SYF2: variants seen among roughly 807,000 people sequenced by gnomAD.
The protein encoded by SYF2 is pre-mRNA-splicing factor SYF2.
A neutral mutation model predicts 32.7 loss-of-function variants in SYF2; 21 were observed. The observed-to-expected ratio is 0.64, with a 90% CI of 0.45 to 0.92. The LOEUF (loss-of-function observed/expected upper bound fraction) is 0.92. SYF2 is among the 40% of genes least tolerant of loss of function. The pLI, the probability that SYF2 is intolerant of heterozygous loss-of-function variation, is 0.00. For synonymous variants in SYF2, 114 were observed against 103.9 expected (o/e 1.10, Z -0.59); for missense variants, 278 against 296.5 (o/e 0.94, Z 0.46).
intron 6 of SYF2, 150 bp from the exon 7 acceptor site, chr1:25,223,581 G>T: frequency 1.4e-6 from 1 of 690,290 alleles, no homozygotes. Flanking sequence ...AGTTAAAGTT[G>T]AAACTGAATT....
intron 2 of SYF2, chr1:25,230,541 CAA>C (rs1350101279): frequency 1.3e-5 from 2 of 152,136 alleles, no homozygotes; most frequent in African/African-American, 4.8e-5. Flanking sequence ...TTTCCCTCGG[CAA>C]AGAGAGATAC....
chr1:25,226,164 T>A (rs1348008430), intron 5 of SYF2, among the ~76,000 whole-genome samples: 2 of 150,960 alleles, frequency 1.3e-5, no homozygotes. Flanking sequence ...AAAATAAAAA[T>A]AAAAATAAAA....
intron 6 of SYF2, among the ~76,000 whole-genome samples, chr1:25,224,257 C>G (rs1015444171): frequency 6.6e-6 from 1 of 151,870 alleles, no homozygotes; most frequent in African/African-American, 2.4e-5. Context: ...ATGTGCCAGA[C>G]ACTTTTTTTT....
Position 25,232,121 on chromosome 1 carries a change from C to T in SYF2, c.115G>A (p.Glu39Lys). The change falls in exon 2 of 7, where the codon GAG becomes AAG. Residue 39 changes from glutamate to lysine, a missense_variant. Glu to Lys is a moderately conservative substitution (Grantham distance 56). Coordinates refer to ENST00000236273, the MANE Select transcript of SYF2 (RefSeq NM_015484.5). ...KREQRLRKFR[E>K]LHLMRNEARK... ...CTACTCACCCGCATCAGGTGCAGCTCCCGGAATTTGCGCAGTCTCTGTTCG... is the reference window on the plus strand; with the variant it reads ...CTACTCACCCGCATCAGGTGCAGCTTCCGGAATTTGCGCAGTCTCTGTTCG... 1 of 1,614,036 alleles carries T rather than the reference C, an allele frequency of 6.2e-7. No individual in the cohort carries two copies. Among genetic ancestry groups the T allele is most frequent in the Non-Finnish European group, 8.5e-7 (1 of 1,179,998 alleles).
chr1:25,226,335 T>C (rs1638509166), intron 5 of SYF2, among the ~76,000 whole-genome samples: 1 of 152,138 alleles, frequency 6.6e-6, no homozygotes, highest in Non-Finnish European at 1.5e-5. Flanking sequence ...CTGAGGTTAT[T>C]TCCTTTTCCA....
At position 25,223,150 on chromosome 1, in the gene SYF2, G is replaced by T; in HGVS notation, c.*116C>A. 1 of 893,918 alleles carries T rather than the reference G, an allele frequency of 1.1e-6. No homozygotes were observed. The highest frequency in any genetic ancestry group is 1.7e-6 in the Non-Finnish European group (1 of 596,240). The allele number at this position is 893,918 out of a possible 1,614,324, so 55.4% of individuals were successfully genotyped here. On this transcript the variant is annotated 3_prime_UTR_variant, in exon 7 of 7. Transcript: ENST00000236273. ...ACATTTTTATTTCTAAATGCTGAGT[G>T]AGAAGGCATGGACTACTAAATTCTG...
chr1:25,231,983 T>C, intron 2 of SYF2, 121 bp downstream of exon 2: 1 of 982,748 alleles, frequency 1.0e-6, no homozygotes, highest in Non-Finnish European at 1.6e-6. Flanking sequence ...AGAGCTTTCC[T>C]CTCAGATGAT....
chr1:25,229,847 C>T (rs538630593), intron 2 of SYF2, among the ~76,000 whole-genome samples: 3 of 150,496 alleles, frequency 2.0e-5, no homozygotes, highest in Non-Finnish European at 4.4e-5. Flanking sequence ...GACAGAGTCT[C>T]ACTCTGTCAC....
At position 25,223,053 on chromosome 1, in the gene SYF2, A is replaced by G. The variant is rs1243483611; in HGVS notation, c.*213T>C. On this transcript the variant is annotated 3_prime_UTR_variant, in exon 7 of 7. Coordinates refer to ENST00000236273, the MANE Select transcript of SYF2 (RefSeq NM_015484.5). The stretch of plus-strand genomic sequence containing the variant: ...AAGTAGATTACAAAACAACTTCACT[A>G]CAAGAAATACATCTTATATCCAAGC... 2.4e-6 allele frequency: 1 copy of G among 417,674 alleles called. No individual in the cohort carries two copies. The highest frequency in any genetic ancestry group is 4.2e-6 in the Non-Finnish European group (1 of 235,600). The allele number at this position is 417,674 out of a possible 1,614,324, so 25.9% of individuals were successfully genotyped here.
In SYF2 at chr1:25,232,229, G is replaced by C. The variant is rs373201997; in HGVS notation, c.25-18C>G. The C allele has an allele frequency of 9.3e-6, 15 of 1,609,750 alleles. No individual in the cohort carries two copies. In the African/African-American group the frequency reaches 2.0e-4, roughly 22 times the overall value. On this transcript the variant is annotated intron_variant, in intron 1 of 6. Coordinates refer to ENST00000236273, the MANE Select transcript of SYF2 (RefSeq NM_015484.5). The stretch of plus-strand genomic sequence containing the variant: ...ACCAGCACCTGCGACAAGGAGAACT[G>C]GCTTCAGGCAGAGCCGGCTCAGCTT...
intron 2 of SYF2, among the ~76,000 whole-genome samples, chr1:25,230,008 G>C (rs143275293): frequency 6.6e-6 from 1 of 152,152 alleles, no homozygotes; most frequent in African/African-American, 2.4e-5. Context: ...TGGTAGAAAC[G>C]TGGTTTTGCA....
chr1:25,228,632 G>A (rs565043856), intron 3 of SYF2, among the ~76,000 whole-genome samples: 4 of 152,238 alleles, frequency 2.6e-5, no homozygotes, highest in South Asian at 2.1e-4. Flanking sequence ...CACTGCACCC[G>A]GCCACTTTAA....
At chr1:25,227,390 C>G in intron 5 of SYF2, 52 bp downstream of exon 5, 1 of 1,362,110 alleles carries the variant, frequency 7.3e-7, no homozygotes, top group Non-Finnish European at 1.0e-6. Context: ...CATGTATACA[C>G]ACACACACAC....
At position 25,222,781 on chromosome 1, in the gene SYF2, G is replaced by C. The variant is rs1025800908; in HGVS notation, c.*485C>G. The stretch of plus-strand genomic sequence containing the variant: ...CACTCCTCCCCGACCTTGGTCACAG[G>C]CCGCCATGAGGAGGGACTGCTCCAG... On this transcript the variant is annotated 3_prime_UTR_variant, in exon 7 of 7. Coordinates refer to ENST00000236273, the MANE Select transcript of SYF2 (RefSeq NM_015484.5). 6 of 153,104 alleles carry C rather than the reference G, an allele frequency of 3.9e-5. No homozygotes were observed. The highest frequency in any genetic ancestry group is 1.4e-4 in the African/African-American group (6 of 41,440). The allele number at this position is 153,104 out of a possible 1,614,324, so 9.5% of individuals were successfully genotyped here. A position where few individuals can be genotyped will look rare whatever the true frequency, so the allele number is the denominator to read the frequency against.
intron 6 of SYF2, among the ~76,000 whole-genome samples, chr1:25,224,176 AGAGT>A (rs1638461874): frequency 6.6e-6 from 1 of 152,088 alleles, no homozygotes. Context: ...CCTGGGCAAT[AGAGT>A]GAGACTCCGT....
In SYF2 at chr1:25,231,898, C is replaced by A. The variant is rs147412989; in HGVS notation, c.132+206G>T. 1.4e-3 allele frequency: 906 copies of A among 643,538 alleles called. 5 individuals are homozygous for A. In the African/African-American group the frequency reaches 0.015, roughly 11 times the overall value. 39.9% of individuals were successfully genotyped at this position (643,538 alleles called of 1,614,324 possible). A position where few individuals can be genotyped will look rare whatever the true frequency, so the allele number is the denominator to read the frequency against. On this transcript the variant is annotated intron_variant, in intron 2 of 6. Coordinates refer to ENST00000236273, the MANE Select transcript of SYF2 (RefSeq NM_015484.5). ...AAATTGGATGTGGGTGGGAGAGGGGCTGGAGTGAACAGTTATATTTTCAAA... is the reference window on the plus strand; with the variant it reads ...AAATTGGATGTGGGTGGGAGAGGGGATGGAGTGAACAGTTATATTTTCAAA...
Position 25,232,455 on chromosome 1 carries a change from C to G in SYF2, c.13G>C (p.Ala5Pro). 6.2e-7 allele frequency: 1 copy of G among 1,614,242 alleles called. No homozygotes were observed. The highest frequency in any genetic ancestry group is 1.1e-5 in the South Asian group (1 of 91,088). Residue 5 changes from alanine (A) to proline (P), a missense_variant, in exon 1 of 7, where the codon GCT becomes CCT. Physicochemically the swap from Ala to Pro is conservative, Grantham distance 27. Transcript: ENST00000236273. ...TGGGTGGAACTCACCTCGGATGCAG[C>G]TATAGCCGCCATCACAACCTTTCTC... is the stretch of plus-strand genomic sequence containing the variant. MAAI[A>P]ASEVLVDSAE...
chr1:25,229,949 T>C (rs1211871767), intron 2 of SYF2, among the ~76,000 whole-genome samples: 1 of 152,104 alleles, frequency 6.6e-6, no homozygotes, highest in East Asian at 1.9e-4. Context: ...CCCGAGTAGC[T>C]GGGGTTACAA....
In SYF2 at chr1:25,232,150, TTC is replaced by T; in HGVS notation, c.84_85del (p.Lys29AlafsTer17). On this transcript the variant is annotated frameshift_variant, in exon 2 of 7. Transcript: ENST00000236273. LOFTEE classifies it high-confidence loss of function. ...GAATTTGCGCAGTCTCTGTTCGCGC[TTC>T]TGAGCGGCCAGCTCCGCCGCCGCAG... The T allele has an allele frequency of 6.2e-7, 1 of 1,614,008 alleles. No individual in the cohort carries two copies. Among genetic ancestry groups the T allele is most frequent in the Non-Finnish European group, 8.5e-7 (1 of 1,180,012 alleles).
Sources: allele counts gnomAD v4.1 joint callset (sites outside exome capture counted in the v4.1 genomes callset), GRCh38; gene constraint gnomAD v4.1.1; transcripts MANE v1.5; gene names NCBI Gene and HGNC (gene_info 2026-07-23, HGNC 2026-07-21).